The following RNF214 variants were observed in gnomAD, a reference collection of about 807,000 sequenced individuals.
The protein encoded by RNF214 is ring finger protein 214.
Under a neutral mutation model 75.9 loss-of-function variants are expected in RNF214, and 25 were observed. That is an observed-to-expected ratio of 0.33 (90% CI 0.24 to 0.46). The LOEUF (loss-of-function observed/expected upper bound fraction) is 0.46, where lower values mean the gene tolerates loss of function less well. RNF214 is among the 20% of genes least tolerant of loss of function. RNF214 has a pLI of 1.00. For synonymous variants in RNF214, 314 were observed against 308.8 expected, an observed-to-expected ratio of 1.02 and a Z score of -0.18; for missense variants, 725 against 857.5, an observed-to-expected ratio of 0.85 and a Z score of 1.93.
At chr11:117,244,849 T>TAG (rs1172822919) in intron 5 of RNF214, among the ~76,000 whole-genome samples, 2 of 151,632 alleles carry the variant, frequency 1.3e-5, no homozygotes, top group Non-Finnish European at 2.9e-5. Flanking sequence ...GTATTTTTGG[T>TAG]AGAGACGGGG....
intron 6 of RNF214, among the ~76,000 whole-genome samples, chr11:117,274,868 G>C (rs2033984438): frequency 6.6e-6 from 1 of 151,676 alleles, no homozygotes; most frequent in Non-Finnish European, 1.5e-5. Flanking sequence ...TGTAGAGACG[G>C]GGTTTTGCCA....
At chr11:117,268,407 A>G (rs1468247662) in intron 6 of RNF214, among the ~76,000 whole-genome samples, 1 of 152,226 alleles carries the variant, frequency 6.6e-6, no homozygotes, top group African/African-American at 2.4e-5. Context: ...AGATTTACGT[A>G]TATTTGAAAA....
At chr11:117,233,349 A>C (rs2032786194) in intron 1 of RNF214, among the ~76,000 whole-genome samples, 1 of 152,116 alleles carries the variant, frequency 6.6e-6, no homozygotes, top group African/African-American at 2.4e-5. Context: ...TGAGGCACAG[A>C]GGGTCTGTGG....
Position 117,239,049 on chromosome 11 carries a change from G to C in RNF214, c.556G>C (p.Val186Leu), listed in dbSNP as rs1591817025. The C allele has an allele frequency of 6.2e-7, 1 of 1,614,134 alleles. No individual in the cohort carries two copies. Among genetic ancestry groups the C allele is most frequent in the Non-Finnish European group, 8.5e-7 (1 of 1,180,042 alleles). ...AGCAAATGGGGTTGAAGGAGTCCGA[G>C]TGGATCAGGATGATGATCAAGATAG... is the stretch of plus-strand genomic sequence containing the variant. ...SPANGVEGVR[V>L]DQDDDQDSSS... The change falls in exon 3 of 15, where the codon GTG (valine) becomes CTG (leucine). Residue 186 changes from valine (V) to leucine (L), a missense_variant. Coordinates refer to ENST00000300650, the MANE Select transcript of RNF214 (RefSeq NM_207343.4).
At chr11:117,233,469 A>C (rs1459688667) in intron 1 of RNF214, among the ~76,000 whole-genome samples, 3 of 152,190 alleles carry the variant, frequency 2.0e-5, no homozygotes, top group Non-Finnish European at 4.4e-5. Context: ...CAAGAATGCA[A>C]ACTAACCCGA....
chr11:117,244,366 C>T (rs924592808), intron 4 of RNF214, 79 bp from the exon 5 acceptor site: 2 of 1,225,834 alleles, frequency 1.6e-6, no homozygotes, highest in Non-Finnish European at 2.4e-6. Context: ...GAGCTCTATA[C>T]AATGCCTTGG....
At chr11:117,275,610 CAT>C (rs893597097) in intron 6 of RNF214, among the ~76,000 whole-genome samples, 2 of 152,152 alleles carry the variant, frequency 1.3e-5, no homozygotes, top group African/African-American at 2.4e-5. Context: ...GCTGTGAACA[CAT>C]ATATGTATAC....
intron 6 of RNF214, among the ~76,000 whole-genome samples, chr11:117,252,751 A>G (rs1292861463): frequency 6.6e-6 from 1 of 151,100 alleles, no homozygotes; most frequent in Non-Finnish European, 1.5e-5. Flanking sequence ...CGCTCTCCTG[A>G]CCTCCTGTTC....
intron 6 of RNF214, among the ~76,000 whole-genome samples, chr11:117,275,203 A>T (rs1381045168): frequency 6.6e-6 from 1 of 152,148 alleles, no homozygotes; most frequent in Non-Finnish European, 1.5e-5. Context: ...AAAATTTTTT[A>T]AAAATGATTG....
chr11:117,266,531 TG>T (rs1168906128), intron 6 of RNF214, among the ~76,000 whole-genome samples: 1 of 152,012 alleles, frequency 6.6e-6, no homozygotes, highest in Non-Finnish European at 1.5e-5. Context: ...GGCTAATTTT[TG>T]TATTTTGTTC....
At chr11:117,263,888 C>A in intron 6 of RNF214, 1 of 276,480 alleles carries the variant, frequency 3.6e-6, no homozygotes, top group Non-Finnish European at 7.1e-6. Context: ...GGACACACAG[C>A]AGTCTCCTTC....
intron 4 of RNF214, among the ~76,000 whole-genome samples, chr11:117,242,387 A>C (rs1432562975): frequency 6.6e-6 from 1 of 152,212 alleles, no homozygotes; most frequent in African/African-American, 2.4e-5. Flanking sequence ...AACCAGATGA[A>C]GCCAAGAAAA....
At chr11:117,237,717 G>A (rs551107664) in intron 2 of RNF214, among the ~76,000 whole-genome samples, 2 of 152,270 alleles carry the variant, frequency 1.3e-5, no homozygotes, top group Admixed American at 6.5e-5. Context: ...TGTGACAAGT[G>A]ACAGAATATC....
At chr11:117,243,262 T>G (rs1410480221) in intron 4 of RNF214, among the ~76,000 whole-genome samples, 1 of 152,232 alleles carries the variant, frequency 6.6e-6, no homozygotes, top group Non-Finnish European at 1.5e-5. Flanking sequence ...TTCTCCTGCC[T>G]CAGCCTCCCA....
At chr11:117,280,321 GTT>G (rs1305962327) in intron 8 of RNF214, 62 bp downstream of exon 8, 4 of 1,050,830 alleles carry the variant, frequency 3.8e-6, no homozygotes, top group Non-Finnish European at 4.3e-6. Flanking sequence ...GTTTGTTTAG[GTT>G]TTTTCATTCC....
chr11:117,250,403 A>C (rs1935261289), intron 6 of RNF214, among the ~76,000 whole-genome samples: 1 of 152,182 alleles, frequency 6.6e-6, no homozygotes, highest in South Asian at 2.1e-4. Flanking sequence ...GTTGTTGAAA[A>C]AAGTTTAAGA....
At chr11:117,280,132 A>G (rs2034097212) in intron 7 of RNF214, 39 bp from the exon 8 acceptor site, 1 of 1,558,160 alleles carries the variant, frequency 6.4e-7, no homozygotes, top group African/African-American at 1.4e-5. Context: ...TTGTGTATGT[A>G]AAATTAATAA....
intron 6 of RNF214, among the ~76,000 whole-genome samples, chr11:117,263,399 G>T (rs944579349): frequency 6.6e-6 from 1 of 151,452 alleles, no homozygotes; most frequent in Non-Finnish European, 1.5e-5. Flanking sequence ...CCTCAGCCCC[G>T]CAAGTGGCTG....
Position 117,264,273 on chromosome 11 carries a change from A to T in RNF214, c.960-15635A>T, listed in dbSNP as rs575617636. ...GGGAGGCGGAGCTTGCAGTGAGCCG[A>T]GATCGCACCACTGCACTCCAGCCTG... is the stretch of plus-strand genomic sequence containing the variant. On this transcript the variant is annotated intron_variant, in intron 6 of 14. Transcript: ENST00000300650. Among the ~76,000 whole-genome samples the T allele has an allele frequency of 2.6e-5, 4 of 152,058 alleles. No individual in the cohort carries two copies. In the South Asian group the frequency reaches 8.3e-4, roughly 32 times the overall value.
Sources: gnomAD v4.1 joint callset for allele counts (sites outside exome capture counted in the v4.1 genomes callset) on GRCh38, gnomAD v4.1.1 for gene constraint, MANE v1.5 for transcripts, NCBI Gene and HGNC (gene_info 2026-07-23, HGNC 2026-07-21) for gene names.